TASP1: variants seen among roughly 807,000 people sequenced by gnomAD.
TASP1 encodes the protein taspase 1, also known as threonine aspartase 1.
In TASP1, 16 loss-of-function variants were observed where a neutral mutation model predicts 56.6. That is an observed-to-expected ratio of 0.28 (90% CI 0.19 to 0.43). The LOEUF is 0.43. Ranked by LOEUF, TASP1 falls within the 20% of genes least tolerant of loss-of-function variation. TASP1 has a pLI of 1.00. For missense variants in TASP1, 393 were observed against 511.6 expected (o/e 0.77, Z 2.24); for synonymous variants, 179 against 184.2 (o/e 0.97, Z 0.23).
intron 8 of TASP1, among the ~76,000 whole-genome samples, chr20:13,538,521 G>C (rs1433460794): frequency 6.6e-6 from 1 of 152,180 alleles, no homozygotes; most frequent in East Asian, 1.9e-4. Context: ...TTTGAGAGCA[G>C]CATTATAACT....
the TASP1 span, among the ~76,000 whole-genome samples, chr20:13,383,056 G>C: frequency 1.3e-5 from 2 of 152,144 alleles, no homozygotes; most frequent in Admixed American, 6.5e-5. Flanking sequence ...TCTGAGATGG[G>C]AGGGTGTGTG....
At chr20:13,274,676 C>G in the TASP1 span, among the ~76,000 whole-genome samples, 35 of 151,956 alleles carry the variant, frequency 2.3e-4, no homozygotes, top group African/African-American at 5.5e-4. Flanking sequence ...CCCCGCCCCC[C>G]CCGCGCCCGG....
chr20:13,449,374 A>G (rs1179627081), intron 11 of TASP1, among the ~76,000 whole-genome samples: 1 of 152,082 alleles, frequency 6.6e-6, no homozygotes, highest in Non-Finnish European at 1.5e-5. Context: ...ATTTCCTTAT[A>G]TACCCAATTT....
the TASP1 span, among the ~76,000 whole-genome samples, chr20:13,347,429 T>C: frequency 2.1e-3 from 324 of 152,338 alleles, 4 homozygotes; most frequent in African/African-American, 7.5e-3. Flanking sequence ...AGGCCATAGG[T>C]CCTTTTCCTG....
intron 11 of TASP1, among the ~76,000 whole-genome samples, chr20:13,467,216 C>CACGA (rs1555864977): frequency 7.1e-6 from 1 of 140,984 alleles, no homozygotes; most frequent in Admixed American, 7.0e-5. Flanking sequence ...CACACACACA[C>CACGA]GACACACAAA....
rs1252163875 is a variant in TASP1 at position 13,587,247 on chromosome 20, T to C, written c.403+3A>G. On this transcript the variant is annotated splice_donor_region_variant and intron_variant, in intron 5 of 13. Transcript: ENST00000337743. ...AAGATAGTAGGTCATAATGCCCACA[T>C]ACCACTCAGTGCTCCAACTGCTCCA... 2 of 1,608,386 alleles carry C rather than the reference T, an allele frequency of 1.2e-6. No homozygotes were observed. The highest frequency in any genetic ancestry group is 2.2e-5 in the East Asian group (1 of 44,558).
intron 11 of TASP1, among the ~76,000 whole-genome samples, chr20:13,447,735 T>C (rs1568814866): frequency 2.0e-5 from 3 of 152,274 alleles, no homozygotes; most frequent in East Asian, 3.9e-4. Context: ...ATAAAAGCCC[T>C]CATTTTGTTA....
the TASP1 span, among the ~76,000 whole-genome samples, chr20:13,362,485 A>C: frequency 0.13 from 13,836 of 106,846 alleles, 1,501 homozygotes; most frequent in African/African-American, 0.24. Flanking sequence ...GAGCACCTTG[A>C]GACCCCCACT....
chr20:13,445,263 A>T (rs2043364869), intron 11 of TASP1, among the ~76,000 whole-genome samples: 1 of 152,208 alleles, frequency 6.6e-6, no homozygotes. Flanking sequence ...TCTTGATTTA[A>T]TCAATCATAT....
At chr20:13,306,585 A>AAAAAAAAAAAAAAAAAAAAAAAAAAAT in the TASP1 span, among the ~76,000 whole-genome samples, 1 of 143,250 alleles carries the variant, frequency 7.0e-6, no homozygotes, top group African/African-American at 2.5e-5. Flanking sequence ...AAAAAAAAAA[A>AAAAAAAAAAAAAAAAAAAAAAAAAAAT]AGCAAAGAAA....
At chr20:13,588,994 C>T (rs2047422657) in intron 4 of TASP1, among the ~76,000 whole-genome samples, 1 of 151,084 alleles carries the variant, frequency 6.6e-6, no homozygotes, top group African/African-American at 2.4e-5. Flanking sequence ...AATAATACAC[C>T]CTTATAATCA....
downstream of TASP1, among the ~76,000 whole-genome samples, chr20:13,387,497 T>G (rs1474563198): frequency 6.6e-6 from 1 of 150,886 alleles, no homozygotes; most frequent in Non-Finnish European, 1.5e-5. Flanking sequence ...CTGATTTCAT[T>G]CTTTTTTATG....
chr20:13,520,973 A>C (rs911675376), intron 10 of TASP1, among the ~76,000 whole-genome samples: 1 of 152,254 alleles, frequency 6.6e-6, no homozygotes, highest in African/African-American at 2.4e-5. Context: ...GAAGATGAAC[A>C]GACACTTCTC....
intron 13 of TASP1, among the ~76,000 whole-genome samples, chr20:13,410,821 T>A (rs2123711118): frequency 6.6e-6 from 1 of 152,294 alleles, no homozygotes; most frequent in Admixed American, 6.5e-5. Flanking sequence ...GAAGCAGCTC[T>A]TTAGTTTAAT....
chr20:13,627,733 T>TAAAAAAAAAAAAAAA (rs35542097), intron 2 of TASP1, among the ~76,000 whole-genome samples: 46 of 119,492 alleles, frequency 3.8e-4, no homozygotes, highest in African/African-American at 1.5e-3. Flanking sequence ...AACTTAGTCT[T>TAAAAAAAAAAAAAAA]AAAAAAAAAA....
At chr20:13,491,969 C>T (rs1243584080) in intron 10 of TASP1, among the ~76,000 whole-genome samples, 2 of 152,216 alleles carry the variant, frequency 1.3e-5, no homozygotes, top group Admixed American at 6.5e-5. Context: ...CATAATCTCA[C>T]AGATCTTTCT....
the TASP1 span, among the ~76,000 whole-genome samples, chr20:13,125,340 A>T: frequency 6.6e-6 from 1 of 152,162 alleles, no homozygotes; most frequent in African/African-American, 2.4e-5. Context: ...AAAACACAAA[A>T]TTCCAATAGT....
the TASP1 span, among the ~76,000 whole-genome samples, chr20:13,107,816 A>G: frequency 6.6e-6 from 1 of 151,270 alleles, no homozygotes. Context: ...ATAACATGCC[A>G]GATATTATTG....
chr20:13,617,071 A>G, intron 4 of TASP1: 1 of 455,730 alleles, frequency 2.2e-6, no homozygotes, highest in Middle Eastern at 3.3e-4. Context: ...CACAAGAAGG[A>G]CATGGATACT....
Sources: gnomAD v4.1 joint callset for allele counts (sites outside exome capture counted in the v4.1 genomes callset) on GRCh38, gnomAD v4.1.1 for gene constraint, MANE v1.5 for transcripts, NCBI Gene and HGNC (gene_info 2026-07-23, HGNC 2026-07-21) for gene names.